The following DRC11L variants were observed in gnomAD, a reference collection of about 807,000 sequenced individuals.
DRC11L encodes the protein dynein regulatory complex subunit like-11.
At chr7:151,198,695 C>T in the DRC11L span, 2 of 397,908 alleles carry the variant, frequency 5.0e-6, no homozygotes, top group East Asian at 7.1e-5. Context: ...CCCATCTGGA[C>T]TAGAAGGCAG....
At chr7:151,203,594 C>A in the DRC11L span, 12 of 397,534 alleles carry the variant, frequency 3.0e-5, no homozygotes, top group Non-Finnish European at 5.3e-5. Flanking sequence ...TTTTTAGGGG[C>A]TTACACACCC....
chr7:151,203,124 G>A, the DRC11L span: 62 of 398,990 alleles, frequency 1.6e-4, no homozygotes, highest in Non-Finnish European at 2.5e-4. Context: ...AAAAGAGCAG[G>A]AGCACATGAG....
chr7:151,195,524 C>G, the DRC11L span: 4 of 399,814 alleles, frequency 1.0e-5, no homozygotes, highest in Non-Finnish European at 1.8e-5. Flanking sequence ...GTGCCCTGTT[C>G]CTTGCCTCCC....
At chr7:151,195,848 A>G in the DRC11L span, 1 of 384,736 alleles carries the variant, frequency 2.6e-6, no homozygotes, top group Admixed American at 4.5e-5. Flanking sequence ...CCCTCCTGGC[A>G]CCTGTTCACA....
chr7:151,202,817 A>T, the DRC11L span: 1 of 398,618 alleles, frequency 2.5e-6, no homozygotes, highest in Non-Finnish European at 4.4e-6. Flanking sequence ...ACAGAATCCA[A>T]GCACTTGCAC....
the DRC11L span, chr7:151,203,543 C>G: frequency 2.5e-6 from 1 of 398,836 alleles, no homozygotes; most frequent in Non-Finnish European, 4.4e-6. Context: ...GGAGGAGGGT[C>G]AGGAATCAAA....
chr7:151,191,034 G>C, the DRC11L span: 2 of 399,992 alleles, frequency 5.0e-6, no homozygotes, highest in South Asian at 2.5e-4. Context: ...CCTCCAACTG[G>C]TCCATCCTGT....
chr7:151,197,027 A>G, the DRC11L span: 1 of 399,616 alleles, frequency 2.5e-6, no homozygotes, highest in Non-Finnish European at 4.4e-6. Context: ...TTTGGATGGC[A>G]ACACTTGCAA....
chr7:151,204,218 G>C, the DRC11L span, among the ~76,000 whole-genome samples: 1 of 152,094 alleles, frequency 6.6e-6, no homozygotes, highest in Admixed American at 6.5e-5. Flanking sequence ...CAACCTCTAA[G>C]TACCTCCATG....
chr7:151,204,971 C>G, the DRC11L span: 8 of 398,112 alleles, frequency 2.0e-5, no homozygotes, highest in African/African-American at 1.4e-4. Flanking sequence ...AAATGGACTT[C>G]AATGAGGTAA....
chr7:151,192,783 T>G, the DRC11L span: 1 of 398,998 alleles, frequency 2.5e-6, no homozygotes, highest in Non-Finnish European at 4.4e-6. Context: ...GAAATTCTTC[T>G]CAGCATTTCC....
the DRC11L span, among the ~76,000 whole-genome samples, chr7:151,191,244 C>T: frequency 4.9e-4 from 74 of 152,260 alleles, no homozygotes; most frequent in Admixed American, 1.6e-3. Flanking sequence ...CCACCAAATG[C>T]TTCAGGTACA....
At chr7:151,197,831 C>T in the DRC11L span, 7 of 399,234 alleles carry the variant, frequency 1.8e-5, no homozygotes, top group Admixed American at 4.4e-5. Flanking sequence ...CCTGTTCTGG[C>T]GTTTTGTCTG....
At chr7:151,195,692 C>T in the DRC11L span, 1 of 399,324 alleles carries the variant, frequency 2.5e-6, no homozygotes. Context: ...GCGGGGTGGC[C>T]TGGGGCTGGG....
chr7:151,192,545 A>T, the DRC11L span: 1 of 398,450 alleles, frequency 2.5e-6, no homozygotes, highest in Non-Finnish European at 4.4e-6. Context: ...CCCCACCCTC[A>T]GCCTCACCTC....
At chr7:151,195,462 C>T in the DRC11L span, 1 of 399,250 alleles carries the variant, frequency 2.5e-6, no homozygotes, top group South Asian at 1.3e-4. Context: ...CCTTCTTTTT[C>T]CCAGTTTTCT....
the DRC11L span, chr7:151,191,935 C>A: frequency 2.5e-6 from 1 of 399,210 alleles, no homozygotes; most frequent in East Asian, 3.6e-5. Context: ...GGAGGGGCAA[C>A]AAGGCCTGAG....
At chr7:151,196,860 C>A in the DRC11L span, 220 of 398,686 alleles carry the variant, frequency 5.5e-4, no homozygotes, top group Middle Eastern at 1.3e-3. Context: ...GTCCCCTTTG[C>A]CTACACACCC....
chr7:151,198,398 A>T, the DRC11L span, among the ~76,000 whole-genome samples: 1 of 152,104 alleles, frequency 6.6e-6, no homozygotes, highest in Non-Finnish European at 1.5e-5. Context: ...GGATAGGTAG[A>T]TGGAGAGGCG....
Sources: gnomAD v4.1 joint callset for allele counts (sites outside exome capture counted in the v4.1 genomes callset) on GRCh38, gnomAD v4.1.1 for gene constraint, MANE v1.5 for transcripts, NCBI Gene and HGNC (gene_info 2026-07-23, HGNC 2026-07-21) for gene names.